Variants in KCNK13 observed in about 807,000 individuals in gnomAD.
KCNK13 encodes the protein potassium channel subfamily K member 13.
In KCNK13, 12 loss-of-function variants were observed where a neutral mutation model predicts 23.4. The ratio of observed to expected loss-of-function variants is 0.51; its 90% CI spans 0.33 to 0.83. The LOEUF is 0.83. Ranked by LOEUF, KCNK13 falls within the 40% of genes least tolerant of loss-of-function variation. KCNK13 has a pLI of 0.02. For missense variants in KCNK13, 463 were observed against 556.3 expected (o/e 0.83, Z 1.69); for synonymous variants, 231 against 229.5 (o/e 1.01, Z -0.06).
rs1252470539 is a variant in KCNK13 at position 90,166,970 on chromosome 14, C to T, written c.335-17141C>T. On this transcript the variant is annotated intron_variant, in intron 1 of 1. Transcript: ENST00000282146. ...CAACCAGAATAAGTTGTGGGCATGACACAGTGAGGTTATTAACTGGGTCTG... is the reference window on the plus strand; with the variant it reads ...CAACCAGAATAAGTTGTGGGCATGATACAGTGAGGTTATTAACTGGGTCTG... Among the ~76,000 whole-genome samples, 3 of 152,160 alleles carry T rather than the reference C, an allele frequency of 2.0e-5. 1 individual carries two copies. Among genetic ancestry groups the T allele is most frequent in the Admixed American group, 2.0e-4 (3 of 15,274 alleles).
At chr14:90,090,459 T>G (rs1283522166) in intron 1 of KCNK13, among the ~76,000 whole-genome samples, 1 of 152,240 alleles carries the variant, frequency 6.6e-6, no homozygotes, top group Non-Finnish European at 1.5e-5. Context: ...TAACTTGCTT[T>G]TGATTTTACA....
Position 90,062,808 on chromosome 14 carries a change from TAAC to T in KCNK13, c.334+272_334+274del, listed in dbSNP as rs1339666079. On this transcript the variant is annotated intron_variant, in intron 1 of 1. Transcript: ENST00000282146. This position sits in a 1 kb window ranked among gnomAD's most constrained non-coding sequence, Gnocchi z 4.5. The stretch of plus-strand genomic sequence containing the variant: ...ACCTGCCGAGTCAGAATCTGCATGT[TAAC>T]AAAGTCCCCAAAGGATTGGAATGAT... 6.6e-6 allele frequency among the ~76,000 whole-genome samples: 1 copy of T among 152,184 alleles called. No homozygotes were observed. Among genetic ancestry groups the T allele is most frequent in the African/African-American group, 2.4e-5 (1 of 41,440 alleles).
intron 1 of KCNK13, among the ~76,000 whole-genome samples, chr14:90,110,363 T>C (rs1277988757): frequency 6.6e-6 from 1 of 151,534 alleles, no homozygotes; most frequent in Non-Finnish European, 1.5e-5. Flanking sequence ...AATACAAAAA[T>C]TAGCAAGACG....
chr14:90,098,887 G>T (rs1324081022), intron 1 of KCNK13, among the ~76,000 whole-genome samples: 1 of 152,106 alleles, frequency 6.6e-6, no homozygotes, highest in African/African-American at 2.4e-5. Context: ...AGACCAGCCT[G>T]GCCAAGATGG....
Position 90,155,005 on chromosome 14 carries a change from C to T in KCNK13, c.335-29106C>T, listed in dbSNP as rs144859067. 3.9e-5 allele frequency among the ~76,000 whole-genome samples: 6 copies of T among 152,330 alleles called. No individual in the cohort carries two copies. In the East Asian group the frequency reaches 9.6e-4, roughly 24 times the overall value. ...CAGTGAACAAGACAGACAAAAATCT[C>T]TGTCCTAGTGGAACATACATTCTAA... On this transcript the variant is annotated intron_variant, in intron 1 of 1. Coordinates refer to ENST00000282146, the MANE Select transcript of KCNK13 (RefSeq NM_022054.4).
chr14:90,169,196 C>T (rs1326923715), intron 1 of KCNK13, among the ~76,000 whole-genome samples: 3 of 152,146 alleles, frequency 2.0e-5, no homozygotes, highest in African/African-American at 7.2e-5. Context: ...GTGATCAGAT[C>T]TTCCATCCTC....
chr14:90,171,988 G>A lies in KCNK13; in HGVS notation c.335-12123G>A, dbSNP rs187240184. On this transcript the variant is annotated intron_variant, in intron 1 of 1. Transcript: ENST00000282146. ...CATTCTGTCTTGCAGAACTCAGTGG[G>A]CAGTGTTCTTGATGGGAAAAAATTG... Among the ~76,000 whole-genome samples the A allele has an allele frequency of 3.3e-5, 5 of 152,262 alleles. No homozygotes were observed. In the East Asian group the frequency reaches 7.7e-4, roughly 24 times the overall value.
Position 90,184,074 on chromosome 14 carries a change from A to G in KCNK13, c.335-37A>G, listed in dbSNP as rs546292005. The G allele has an allele frequency of 1.7e-5, 27 of 1,578,582 alleles. No individual in the cohort carries two copies. In the South Asian group the frequency reaches 3.0e-4, roughly 18 times the overall value. Reference sequence around the variant, plus strand: ...GACCTAGACCCCATTCACAGCAAAGATTTCTCTTACTCTTCTCTCATTTTT... The same window carrying G: ...GACCTAGACCCCATTCACAGCAAAGGTTTCTCTTACTCTTCTCTCATTTTT... On this transcript the variant is annotated intron_variant, in intron 1 of 1. Transcript: ENST00000282146. This position sits in a 1 kb window ranked among gnomAD's most constrained non-coding sequence, Gnocchi z 5.6.
At chr14:90,178,606 C>T (rs188471630) in intron 1 of KCNK13, among the ~76,000 whole-genome samples, 4 of 152,144 alleles carry the variant, frequency 2.6e-5, no homozygotes, top group South Asian at 2.1e-4. Flanking sequence ...GATTATTATG[C>T]ATTGTATGCC....
intron 1 of KCNK13, among the ~76,000 whole-genome samples, chr14:90,127,497 A>G (rs1464327949): frequency 3.4e-5 from 5 of 146,522 alleles, no homozygotes; most frequent in African/African-American, 1.3e-4. Flanking sequence ...CCTCACATAC[A>G]ATTCATTCAT....
At chr14:90,172,268 G>T (rs187828513) in intron 1 of KCNK13, among the ~76,000 whole-genome samples, 48 of 149,016 alleles carry the variant, frequency 3.2e-4, no homozygotes, top group Non-Finnish European at 5.9e-4. Flanking sequence ...AGTGAGCCGA[G>T]ATAGTACCTC....
chr14:90,163,024 A>G (rs1003191756), intron 1 of KCNK13, among the ~76,000 whole-genome samples: 3 of 152,228 alleles, frequency 2.0e-5, no homozygotes, highest in Non-Finnish European at 4.4e-5. Context: ...CACATGAAAA[A>G]TGTAGGCAAT....
intron 1 of KCNK13, among the ~76,000 whole-genome samples, chr14:90,085,096 C>T (rs747585389): frequency 1.3e-5 from 2 of 151,892 alleles, no homozygotes; most frequent in Non-Finnish European, 2.9e-5. Context: ...GCGTGTGCCA[C>T]GACGCCCAGC....
chr14:90,146,997 C>T (rs1890080374), intron 1 of KCNK13, among the ~76,000 whole-genome samples: 1 of 152,036 alleles, frequency 6.6e-6, no homozygotes, highest in South Asian at 2.1e-4. Flanking sequence ...CCATTAAAGG[C>T]TTAAGGTTTA....
chr14:90,172,628 A>G (rs1294155326), intron 1 of KCNK13, among the ~76,000 whole-genome samples: 3 of 92,910 alleles, frequency 3.2e-5, no homozygotes, highest in African/African-American at 6.9e-5. Context: ...ATGTGATTGT[A>G]TTGTTCTGGT....
At chr14:90,133,759 A>G (rs1275196879) in intron 1 of KCNK13, among the ~76,000 whole-genome samples, 1 of 152,068 alleles carries the variant, frequency 6.6e-6, no homozygotes, top group Non-Finnish European at 1.5e-5. Context: ...CCTTTGAGAC[A>G]CAGCTCAACT....
chr14:90,070,484 C>A (rs1399087614), intron 1 of KCNK13, among the ~76,000 whole-genome samples: 1 of 152,164 alleles, frequency 6.6e-6, no homozygotes, highest in Non-Finnish European at 1.5e-5. Flanking sequence ...TTAAAGATTT[C>A]GACCCTGTCT....
chr14:90,177,394 C>T (rs756626622), intron 1 of KCNK13: 6 of 152,156 alleles, frequency 3.9e-5, no homozygotes, highest in African/African-American at 9.7e-5. Flanking sequence ...ATCATCACCT[C>T]GAAATAACCT....
intron 1 of KCNK13, chr14:90,107,717 G>T: frequency 1.3e-6 from 1 of 774,316 alleles, no homozygotes; most frequent in South Asian, 1.3e-5. Context: ...GCCTGGGAAG[G>T]TGGTTGTGTT....
Sources: gnomAD v4.1 joint callset for allele counts (sites outside exome capture counted in the v4.1 genomes callset) on GRCh38, gnomAD v4.1.1 for gene constraint, Gnocchi (gnomAD v3.1) non-coding constraint, MANE v1.5 for transcripts, NCBI Gene and HGNC (gene_info 2026-07-23, HGNC 2026-07-21) for gene names.